HERPUD2: variants seen among roughly 807,000 people sequenced by gnomAD.
HERPUD2 encodes homocysteine-responsive endoplasmic reticulum-resident ubiquitin-like domain member 2 protein.
Under a neutral mutation model 49.9 loss-of-function variants are expected in HERPUD2, and 13 were observed. The observed-to-expected ratio is 0.26, with a 90% CI of 0.17 to 0.41. The LOEUF (loss-of-function observed/expected upper bound fraction) is 0.41. Among genes scored for constraint, HERPUD2 ranks in the 10% least tolerant of loss-of-function variants. The pLI, the probability that HERPUD2 is intolerant of heterozygous loss-of-function variation, is 1.00. For synonymous variants in HERPUD2, 172 were observed against 171.4 expected (o/e 1.00, Z -0.03); for missense variants, 449 against 492.2 (o/e 0.91, Z 0.83).
chr7:35,633,614 T>C lies in HERPUD2; in HGVS notation c.*76A>G. ...TGATGATCAAAAGAAAGTTATAAATTTTTTTGAAATTGCACTGTTATTTAA... is the reference window on the plus strand; with the variant it reads ...TGATGATCAAAAGAAAGTTATAAATCTTTTTGAAATTGCACTGTTATTTAA... On this transcript the variant is annotated 3_prime_UTR_variant, in exon 9 of 9. Transcript: ENST00000311350. The C allele has an allele frequency of 7.5e-7, 1 of 1,326,272 alleles. No individual in the cohort carries two copies. The allele number at this position is 1,326,272 out of a possible 1,614,324, so 82.2% of individuals were successfully genotyped here.
At chr7:35,672,818 A>G (rs1785670305) in intron 3 of HERPUD2, among the ~76,000 whole-genome samples, 1 of 152,130 alleles carries the variant, frequency 6.6e-6, no homozygotes, top group African/African-American at 2.4e-5. Context: ...TCCCAACTCA[A>G]GCAATTTGTA....
chr7:35,669,129 C>A (rs543543273), intron 4 of HERPUD2, among the ~76,000 whole-genome samples: 1 of 152,126 alleles, frequency 6.6e-6, no homozygotes, highest in Admixed American at 6.6e-5. Context: ...CTGTGTCCGA[C>A]GACTACAAAA....
intron 5 of HERPUD2, among the ~76,000 whole-genome samples, chr7:35,645,779 C>T (rs1442962097): frequency 6.6e-6 from 1 of 152,192 alleles, no homozygotes; most frequent in African/African-American, 2.4e-5. Flanking sequence ...CACATATACA[C>T]ATGCACGCAC....
chr7:35,670,478 T>C (rs955694764), intron 3 of HERPUD2, 150 bp from the exon 4 acceptor site: 6 of 399,528 alleles, frequency 1.5e-5, no homozygotes, highest in Non-Finnish European at 2.2e-5. Flanking sequence ...GAAGGTAAAT[T>C]TGTCATTTTA....
intron 2 of HERPUD2, among the ~76,000 whole-genome samples, chr7:35,673,661 T>G (rs1239918909): frequency 1.3e-5 from 2 of 152,156 alleles, no homozygotes; most frequent in African/African-American, 4.8e-5. Flanking sequence ...TCGTCAACAG[T>G]AGGATAAAAT....
intron 5 of HERPUD2, among the ~76,000 whole-genome samples, chr7:35,651,162 T>C (rs1378838702): frequency 6.6e-6 from 1 of 152,106 alleles, no homozygotes; most frequent in African/African-American, 2.4e-5. Flanking sequence ...CCCACCAATA[T>C]TACTGCCATA....
intron 6 of HERPUD2, among the ~76,000 whole-genome samples, chr7:35,636,376 A>G (rs1784871525): frequency 6.6e-6 from 1 of 152,236 alleles, no homozygotes. Flanking sequence ...GTACCTGTAT[A>G]GGGCTTTTTA....
intron 5 of HERPUD2, among the ~76,000 whole-genome samples, chr7:35,652,081 C>T (rs1376501693): frequency 6.6e-6 from 1 of 152,108 alleles, no homozygotes; most frequent in Non-Finnish European, 1.5e-5. Context: ...TGATTCCAGG[C>T]CTCTTTCAAT....
In HERPUD2 at chr7:35,640,139, T is replaced by G. The variant is rs770758594; in HGVS notation, c.495-1667A>C. On this transcript the variant is annotated intron_variant, in intron 5 of 8. Coordinates refer to ENST00000311350, the MANE Select transcript of HERPUD2 (RefSeq NM_022373.5). ...AGGCAGAGAAGTATTTTAAAAACAT[T>G]TGTTTTGTACAACTCAGCATTTACA... Among the ~76,000 whole-genome samples the G allele has an allele frequency of 3.3e-5, 5 of 152,344 alleles. No individual in the cohort carries two copies. In the South Asian group the frequency reaches 6.2e-4, roughly 19 times the overall value.
chr7:35,689,011 A>T (rs140820926), intron 2 of HERPUD2, among the ~76,000 whole-genome samples: 182 of 152,338 alleles, frequency 1.2e-3, no homozygotes, highest in African/African-American at 4.3e-3. Flanking sequence ...ACACATGGCA[A>T]ACACTTAGTA....
chr7:35,666,140 T>C (rs1785531956), intron 5 of HERPUD2, among the ~76,000 whole-genome samples: 1 of 152,370 alleles, frequency 6.6e-6, no homozygotes, highest in East Asian at 1.9e-4. Context: ...TTGAAGCTAC[T>C]GTTCCATAAT....
intron 5 of HERPUD2, among the ~76,000 whole-genome samples, chr7:35,665,673 T>A (rs1785521985): frequency 6.6e-6 from 1 of 152,262 alleles, no homozygotes; most frequent in South Asian, 2.1e-4. Flanking sequence ...ATCGCCCATC[T>A]TCTGCATCGT....
chr7:35,674,378 C>CATATATATATAT (rs1562682656), intron 2 of HERPUD2, among the ~76,000 whole-genome samples: 653 of 34,678 alleles, frequency 0.019, 71 homozygotes, highest in Middle Eastern at 0.028. Context: ...AGTCTTACAA[C>CATATATATATAT]CTATATATAT....
intron 5 of HERPUD2, among the ~76,000 whole-genome samples, chr7:35,660,823 T>C (rs1056789712): frequency 2.0e-5 from 3 of 152,238 alleles, no homozygotes; most frequent in Non-Finnish European, 4.4e-5. Context: ...TCCCATTCCG[T>C]AGGTTGCCTG....
At chr7:35,635,887 T>C (rs1222877116) in intron 6 of HERPUD2, among the ~76,000 whole-genome samples, 4 of 152,210 alleles carry the variant, frequency 2.6e-5, no homozygotes, top group African/African-American at 9.7e-5. Context: ...TCTAAAAATA[T>C]ATACTATTAT....
rs1217262570 is a variant in HERPUD2, at chr7:35,672,588, T to C, written c.225+613A>G. Among the ~76,000 whole-genome samples, 6 of 152,056 alleles carry C rather than the reference T, an allele frequency of 3.9e-5. No individual in the cohort carries two copies. The South Asian group carries it at 6.2e-4, about 16-fold the overall frequency. On this transcript the variant is annotated intron_variant, in intron 3 of 8. Coordinates refer to ENST00000311350, the MANE Select transcript of HERPUD2 (RefSeq NM_022373.5). ...ACAAAGAAGAAATTCAATTCTGCTA[T>C]ACCCACCAACAAAAAGCAACATTTC...
At chr7:35,678,239 TA>T (rs34474837) in intron 2 of HERPUD2, among the ~76,000 whole-genome samples, 56,161 of 145,392 alleles carry the variant, frequency 0.39, 11,014 homozygotes, top group South Asian at 0.56. Context: ...TTCACATTAT[TA>T]AAAAAAAAAA....
At chr7:35,672,632 T>C (rs1785666640) in intron 3 of HERPUD2, among the ~76,000 whole-genome samples, 1 of 152,102 alleles carries the variant, frequency 6.6e-6, no homozygotes, top group Admixed American at 6.6e-5. Flanking sequence ...AAAAGCTCTA[T>C]AAGTATAAAT....
At chr7:35,675,459 A>G (rs1189673756) in intron 2 of HERPUD2, among the ~76,000 whole-genome samples, 1 of 149,564 alleles carries the variant, frequency 6.7e-6, no homozygotes, top group African/African-American at 2.6e-5. Context: ...ATTTGAACCT[A>G]AAGAAGTTTC....
Sources: gnomAD v4.1 joint callset for allele counts (sites outside exome capture counted in the v4.1 genomes callset) on GRCh38, gnomAD v4.1.1 for gene constraint, MANE v1.5 for transcripts, NCBI Gene and HGNC (gene_info 2026-07-23, HGNC 2026-07-21) for gene names.